Variants in PARD3B observed in about 807,000 individuals in gnomAD.
The protein encoded by PARD3B is par-3 family cell polarity regulator beta.
A neutral mutation model predicts 130.2 loss-of-function variants in PARD3B; 103 were observed. That is an observed-to-expected ratio of 0.79 (90% confidence interval 0.67 to 0.93). The LOEUF is 0.93. Ranked by LOEUF, PARD3B falls within the 40% of genes least tolerant of loss-of-function variation. PARD3B has a pLI of 0.00. For synonymous variants in PARD3B, 583 were observed against 553.2 expected (o/e 1.05, Z -0.76); for missense variants, 1,609 against 1,499.2 (o/e 1.07, Z -1.21).
At chr2:204,891,311 C>G (rs1332510643) in intron 2 of PARD3B, among the ~76,000 whole-genome samples, 1 of 151,566 alleles carries the variant, frequency 6.6e-6, no homozygotes, top group Non-Finnish European at 1.5e-5. Context: ...AGTAATCGAT[C>G]TGATTAGCAT....
chr2:205,063,248 T>A (rs1040607968), intron 4 of PARD3B, among the ~76,000 whole-genome samples: 4 of 152,024 alleles, frequency 2.6e-5, no homozygotes, highest in Admixed American at 2.0e-4. Context: ...CCTAATTTGA[T>A]CATTATACGT....
chr2:204,790,064 G>A (rs961533543), intron 2 of PARD3B, among the ~76,000 whole-genome samples: 26 of 152,114 alleles, frequency 1.7e-4, no homozygotes, highest in Non-Finnish European at 3.2e-4. Context: ...TAGAGACAGG[G>A]TTTCACCGTG....
At chr2:205,217,709 T>C (rs1418847922) in intron 15 of PARD3B, among the ~76,000 whole-genome samples, 2 of 150,336 alleles carry the variant, frequency 1.3e-5, no homozygotes, top group Admixed American at 6.7e-5. Flanking sequence ...CACACATACA[T>C]ATATATATAC....
At chr2:204,627,683 T>C (rs2034534030) in intron 1 of PARD3B, among the ~76,000 whole-genome samples, 1 of 152,202 alleles carries the variant, frequency 6.6e-6, no homozygotes, top group Admixed American at 6.5e-5. Flanking sequence ...TTTTCCCTTT[T>C]TGTTCGTAAG....
chr2:204,724,902 T>C (rs2039157359), intron 2 of PARD3B, among the ~76,000 whole-genome samples: 1 of 151,730 alleles, frequency 6.6e-6, no homozygotes, highest in South Asian at 2.1e-4. Context: ...GAAGAAGTGA[T>C]AGAGAACTAG....
intron 2 of PARD3B, among the ~76,000 whole-genome samples, chr2:204,868,088 G>A (rs1036868542): frequency 2.6e-5 from 4 of 152,138 alleles, no homozygotes; most frequent in African/African-American, 9.7e-5. Context: ...AAAGATATCT[G>A]TATATCTCAC....
At position 205,125,896 on chromosome 2, in the gene PARD3B, T is replaced by C. The variant is rs1317182839; in HGVS notation, c.1434+159T>C. On this transcript the variant is annotated intron_variant, in intron 10 of 22. Coordinates refer to ENST00000406610, the MANE Select transcript of PARD3B (RefSeq NM_001302769.2). The surrounding 1 kb of genome is among the most constrained non-coding windows in gnomAD (Gnocchi z 4.0). Reference sequence around the variant, plus strand: ...TTTTACCCCATTTGGGGTATCGCATTTTTAAAACATTGATACAGCCAGTGG... The same window carrying C: ...TTTTACCCCATTTGGGGTATCGCATCTTTAAAACATTGATACAGCCAGTGG... Among the ~76,000 whole-genome samples, 1 of 152,228 alleles carries C rather than the reference T, an allele frequency of 6.6e-6. No homozygotes were observed. The highest frequency in any genetic ancestry group is 1.5e-5 in the Non-Finnish European group (1 of 68,044).
At chr2:204,905,045 G>A (rs1363966694) in intron 2 of PARD3B, among the ~76,000 whole-genome samples, 1 of 152,166 alleles carries the variant, frequency 6.6e-6, no homozygotes, top group Admixed American at 6.6e-5. Context: ...ATAAATTTGG[G>A]ATTGAATCCT....
At position 205,615,501 on chromosome 2, in the gene PARD3B, G is replaced by C; in HGVS notation, c.3306G>C (p.Arg1102=). ...DPVDYLPAAP[R]GLYKERELPY... Reference sequence around the variant, plus strand: ...TAGACTATCTGCCAGCAGCACCTCGGGGGCTCTACAAGGAAAGGGAGCTTC... The same window carrying C: ...TAGACTATCTGCCAGCAGCACCTCGCGGGCTCTACAAGGAAAGGGAGCTTC... The change falls in exon 23 of 23, where the codon CGG becomes CGC. Residue 1102 remains arginine (R), a synonymous_variant. Transcript: ENST00000406610. 6.2e-7 allele frequency: 1 copy of C among 1,613,262 alleles called. No individual in the cohort carries two copies. Among genetic ancestry groups the C allele is most frequent in the South Asian group, 1.1e-5 (1 of 90,914 alleles).
intron 2 of PARD3B, among the ~76,000 whole-genome samples, chr2:204,731,040 T>TAGC (rs1227409068): frequency 1.3e-5 from 2 of 152,218 alleles, no homozygotes; most frequent in Non-Finnish European, 2.9e-5. Flanking sequence ...TGATGCACTG[T>TAGC]AAGATATTTT....
intron 1 of PARD3B, among the ~76,000 whole-genome samples, chr2:204,565,277 T>C (rs1428722343): frequency 6.6e-6 from 1 of 152,138 alleles, no homozygotes; most frequent in Non-Finnish European, 1.5e-5. Flanking sequence ...CAACACGGAG[T>C]ATTATATAAT....
chr2:205,545,288 AG>A (rs1447482509), intron 21 of PARD3B, among the ~76,000 whole-genome samples: 1 of 152,240 alleles, frequency 6.6e-6, no homozygotes, highest in Non-Finnish European at 1.5e-5. Context: ...TAATATTAGA[AG>A]ATGCTGAAAG....
chr2:204,821,758 GCTCT>G (rs767238355), intron 2 of PARD3B, among the ~76,000 whole-genome samples: 48 of 151,780 alleles, frequency 3.2e-4, no homozygotes, highest in Non-Finnish European at 5.9e-4. Context: ...CCCTGCACAA[GCTCT>G]CTGTCTTTGC....
Position 205,330,927 on chromosome 2 carries a change from G to A in PARD3B, c.2630+29226G>A, listed in dbSNP as rs16837216. On this transcript the variant is annotated intron_variant, in intron 18 of 22. Coordinates refer to ENST00000406610, the MANE Select transcript of PARD3B (RefSeq NM_001302769.2). ...TAGTTTTATTGAGGGCCATTCATGG[G>A]CAAACCTAGACCAAAGCCAGTGACT... Among the ~76,000 whole-genome samples the A allele has an allele frequency of 8.9e-3, 1,350 of 152,206 alleles. 23 individuals carry two copies. Among genetic ancestry groups the A allele is most frequent in the African/African-American group, 0.031 (1,273 of 41,524 alleles).
At chr2:205,005,448 T>C (rs1695181282) in intron 3 of PARD3B, among the ~76,000 whole-genome samples, 2 of 152,006 alleles carry the variant, frequency 1.3e-5, no homozygotes, top group Admixed American at 1.3e-4. Context: ...AATAGAGAGG[T>C]CAGCACCAGA....
chr2:205,154,161 A>G (rs955123849), intron 10 of PARD3B, among the ~76,000 whole-genome samples: 2 of 151,362 alleles, frequency 1.3e-5, no homozygotes, highest in Non-Finnish European at 2.9e-5. Context: ...ACAAAGGGCT[A>G]ATATCCAGAA....
intron 20 of PARD3B, among the ~76,000 whole-genome samples, chr2:205,464,870 TTG>T (rs2048568271): frequency 6.6e-6 from 1 of 152,140 alleles, no homozygotes; most frequent in Admixed American, 6.6e-5. Context: ...CTACCCTTCT[TTG>T]GGTTAGTGGA....
At chr2:205,256,758 GA>G (rs1488019887) in intron 16 of PARD3B, among the ~76,000 whole-genome samples, 1 of 152,048 alleles carries the variant, frequency 6.6e-6, no homozygotes, top group African/African-American at 2.4e-5. Context: ...AGAACCACAG[GA>G]AAAGGGAGCT....
intron 3 of PARD3B, among the ~76,000 whole-genome samples, chr2:205,041,339 C>T (rs557790434): frequency 1.3e-5 from 2 of 152,314 alleles, no homozygotes; most frequent in Non-Finnish European, 2.9e-5. Context: ...TTTGTATTTT[C>T]TCTGAGACAA....
Sources: gnomAD v4.1 joint callset for allele counts (sites outside exome capture counted in the v4.1 genomes callset) on GRCh38, gnomAD v4.1.1 for gene constraint, Gnocchi (gnomAD v3.1) non-coding constraint, MANE v1.5 for transcripts, NCBI Gene and HGNC (gene_info 2026-07-23, HGNC 2026-07-21) for gene names.